Variants in CUBN observed in about 807,000 individuals in gnomAD.
CUBN encodes the protein 460 kDa receptor.
A neutral mutation model predicts 405.3 loss-of-function variants in CUBN; 282 were observed. That is an observed-to-expected ratio of 0.70 (90% CI 0.63 to 0.77). The LOEUF (loss-of-function observed/expected upper bound fraction) is 0.77. Ranked by LOEUF, CUBN falls within the 30% of genes least tolerant of loss-of-function variation. CUBN has a pLI of 0.00. For missense variants in CUBN, 4,514 were observed against 4,475.2 expected, an observed-to-expected ratio of 1.01 and a Z score of -0.25; for synonymous variants, 1,684 against 1,617.0, an observed-to-expected ratio of 1.04 and a Z score of -0.99.
At chr10:16,851,851 ACTCTCTTTCCCTCTCTCC>A in intron 59 of CUBN, among the ~76,000 whole-genome samples, 1 of 25,388 alleles carries the variant, frequency 3.9e-5, no homozygotes, top group Non-Finnish European at 7.6e-5. Context: ...TCCCTCCCTC[ACTCTCTTTCCCTCTCTCC>A]CTCTATCTTT....
intron 13 of CUBN, among the ~76,000 whole-genome samples, chr10:17,101,796 C>A (rs1199680682): frequency 2.0e-5 from 3 of 152,150 alleles, no homozygotes; most frequent in African/African-American, 7.2e-5. Context: ...CACTTTCGAA[C>A]CACATGCACC....
chr10:17,001,123 T>C (rs981279663), intron 28 of CUBN, among the ~76,000 whole-genome samples: 2 of 152,204 alleles, frequency 1.3e-5, no homozygotes, highest in Non-Finnish European at 2.9e-5. Context: ...TGCAGAGTTG[T>C]TCATTCTTCC....
intron 59 of CUBN, among the ~76,000 whole-genome samples, chr10:16,867,918 A>C (rs746570012): frequency 1.6e-4 from 24 of 152,194 alleles, no homozygotes; most frequent in Admixed American, 1.3e-4. Context: ...TAACACAACA[A>C]TTACCATTTT....
At chr10:17,021,874 T>C (rs1410444115) in intron 27 of CUBN, among the ~76,000 whole-genome samples, 1 of 152,178 alleles carries the variant, frequency 6.6e-6, no homozygotes, top group Non-Finnish European at 1.5e-5. Flanking sequence ...TTACCTCCCC[T>C]ACTGATTGTG....
At position 17,071,905 on chromosome 10, in the gene CUBN, T is replaced by C. The variant is rs139824256; in HGVS notation, c.2368A>G (p.Ile790Val). 55 of 1,613,256 alleles carry C rather than the reference T, an allele frequency of 3.4e-5. No individual in the cohort carries two copies. The highest frequency in any genetic ancestry group is 4.3e-5 in the Non-Finnish European group (51 of 1,179,706). Residue 790 changes from isoleucine (I) to valine (V), a missense_variant, in exon 18 of 67, where the codon ATT (isoleucine) becomes GTT (valine). Transcript: ENST00000377833. ...AACCTGATCCAGACACTATTAGTAA[T>C]GGATTTAATGTGAGAGATGGTTCCG... ...GNGTISHIKS[I>V]TNSVWIRFKI...
chr10:16,994,403 G>T (rs2131725182), intron 28 of CUBN, among the ~76,000 whole-genome samples: 2 of 152,242 alleles, frequency 1.3e-5, no homozygotes, highest in Middle Eastern at 6.8e-3. Flanking sequence ...TTTATTTGAA[G>T]AAAACAACCT....
At chr10:16,904,374 T>A (rs1394872807) in intron 50 of CUBN, among the ~76,000 whole-genome samples, 1 of 152,222 alleles carries the variant, frequency 6.6e-6, no homozygotes, top group Non-Finnish European at 1.5e-5. Context: ...CCAATTTGTG[T>A]TTTCATAGTT....
chr10:16,895,558 A>G (rs1216637767), intron 54 of CUBN, among the ~76,000 whole-genome samples: 2 of 152,044 alleles, frequency 1.3e-5, no homozygotes, highest in Non-Finnish European at 2.9e-5. Flanking sequence ...TGCTTTATGT[A>G]TTTTGTGCCT....
rs530212623 is a variant in CUBN at position 17,020,310 on chromosome 10, G to A, written c.4018-327C>T. 8.0e-4 allele frequency among the ~76,000 whole-genome samples: 121 copies of A among 152,150 alleles called. 1 individual carries two copies. Among genetic ancestry groups the A allele is most frequent in the Middle Eastern group, 3.4e-3 (1 of 294 alleles). On this transcript the variant is annotated intron_variant, in intron 27 of 66. Transcript: ENST00000377833. ...GGCATTCACATATTAACAACACATA[G>A]GGGGGCTCAATGAATAGCAGCTATT... is the stretch of plus-strand genomic sequence containing the variant.
chr10:16,901,298 T>TA, intron 52 of CUBN, 40 bp downstream of exon 52: 2 of 1,613,930 alleles, frequency 1.2e-6, no homozygotes, highest in South Asian at 2.2e-5. Context: ...ATTGTGGTTC[T>TA]ATTGTCTCAG....
chr10:16,944,939 G>A (rs1157192489), intron 36 of CUBN, among the ~76,000 whole-genome samples: 1 of 152,050 alleles, frequency 6.6e-6, no homozygotes, highest in African/African-American at 2.4e-5. Context: ...CTAGCTGTGT[G>A]GTATGCGTTT....
At chr10:16,991,631 G>GTT (rs1197680038) in intron 28 of CUBN, among the ~76,000 whole-genome samples, 238 of 32,072 alleles carry the variant, frequency 7.4e-3, no homozygotes, top group Middle Eastern at 0.038. Context: ...CTCTTTTTCT[G>GTT]TTTTTTTTTT....
intron 9 of CUBN, 29 bp downstream of exon 9, chr10:17,110,890 A>G (rs745897813): frequency 1.2e-6 from 2 of 1,614,160 alleles, no homozygotes; most frequent in Admixed American, 3.3e-5. Context: ...TGCTGGGGTC[A>G]GGAGGTTGAC....
At chr10:16,871,991 G>A (rs1367428664) in intron 58 of CUBN, among the ~76,000 whole-genome samples, 2 of 152,108 alleles carry the variant, frequency 1.3e-5, no homozygotes, top group African/African-American at 2.4e-5. Context: ...TTGGGAGGCC[G>A]AGGCAGGTGG....
Position 16,879,805 on chromosome 10 carries a change from T to C in CUBN, c.8906-2708A>G, listed in dbSNP as rs111558450. Among the ~76,000 whole-genome samples the C allele has an allele frequency of 5.6e-3, 851 of 152,302 alleles. 9 individuals carry two copies. The highest frequency in any genetic ancestry group is 0.019 in the African/African-American group (807 of 41,564). ...TTCCATCGTATAAATACTCCCACGA[T>C]AGCCAATTTCAAGCTATTAACAACA... On this transcript the variant is annotated intron_variant, in intron 56 of 66. Coordinates refer to ENST00000377833, the MANE Select transcript of CUBN (RefSeq NM_001081.4).
chr10:17,124,808 G>A (rs536930689), intron 4 of CUBN, among the ~76,000 whole-genome samples: 1 of 150,490 alleles, frequency 6.6e-6, no homozygotes, highest in South Asian at 2.1e-4. Context: ...CAATTGTCTG[G>A]GTTTTGGTTG....
chr10:17,045,254 T>C (rs1835103659), intron 24 of CUBN, 66 bp from the exon 25 acceptor site: 1 of 1,459,282 alleles, frequency 6.9e-7, no homozygotes, highest in African/African-American at 1.4e-5. Flanking sequence ...TCTTTTTGTC[T>C]GCATTAAACT....
At chr10:17,050,318 A>G (rs1022063096) in intron 22 of CUBN, among the ~76,000 whole-genome samples, 3 of 152,252 alleles carry the variant, frequency 2.0e-5, no homozygotes, top group Non-Finnish European at 4.4e-5. Flanking sequence ...CTTGACAGAA[A>G]GGAAACTCAT....
At chr10:17,079,912 G>A (rs1041525627) in intron 17 of CUBN, among the ~76,000 whole-genome samples, 6 of 152,130 alleles carry the variant, frequency 3.9e-5, no homozygotes, top group African/African-American at 7.2e-5. Flanking sequence ...CAGGAGATGC[G>A]GGAGGGCTGC....
Sources: gnomAD v4.1 joint callset for allele counts (sites outside exome capture counted in the v4.1 genomes callset) on GRCh38, gnomAD v4.1.1 for gene constraint, MANE v1.5 for transcripts, NCBI Gene and HGNC (gene_info 2026-07-23, HGNC 2026-07-21) for gene names.